The following TRMT1L variants were observed in gnomAD, a reference collection of about 807,000 sequenced individuals.
TRMT1L encodes tRNA methyltransferase 1L.
Under a neutral mutation model 81.6 loss-of-function variants are expected in TRMT1L, and 28 were observed. The observed-to-expected ratio is 0.34, with a 90% CI of 0.25 to 0.47. The LOEUF is 0.47. Among genes scored for constraint, TRMT1L ranks in the 20% least tolerant of loss-of-function variants. TRMT1L has a pLI of 1.00. For missense variants in TRMT1L, 739 were observed against 877.1 expected (o/e 0.84, Z 1.99); for synonymous variants, 301 against 303.2 (o/e 0.99, Z 0.07).
intron 3 of TRMT1L, among the ~76,000 whole-genome samples, 166 bp from the exon 4 acceptor site, chr1:185,147,412 T>C (rs1326315363): frequency 6.6e-6 from 1 of 152,202 alleles, no homozygotes; most frequent in Non-Finnish European, 1.5e-5. Context: ...ATACATGAGA[T>C]ATATGTGTAT....
intron 9 of TRMT1L, among the ~76,000 whole-genome samples, chr1:185,138,979 G>C (rs1329402469): frequency 2.0e-5 from 3 of 152,054 alleles, no homozygotes; most frequent in Non-Finnish European, 4.4e-5. Context: ...GTAGAGACGG[G>C]GTTTCACCAT....
chr1:185,155,200 T>C (rs575076462), intron 1 of TRMT1L, among the ~76,000 whole-genome samples: 1 of 152,346 alleles, frequency 6.6e-6, no homozygotes, highest in South Asian at 2.1e-4. Flanking sequence ...ATGTTTAACA[T>C]ATTTTTGATG....
intron 4 of TRMT1L, among the ~76,000 whole-genome samples, chr1:185,146,620 G>A (rs1653194655): frequency 6.6e-6 from 1 of 151,824 alleles, no homozygotes; most frequent in Non-Finnish European, 1.5e-5. Context: ...TGTAATAATG[G>A]GAACTCATTA....
In TRMT1L at chr1:185,145,534, A is replaced by G. The variant is rs774862497; in HGVS notation, c.560T>C (p.Ile187Thr). 1 of 1,612,148 alleles carries G rather than the reference A, an allele frequency of 6.2e-7. No individual in the cohort carries two copies. Among genetic ancestry groups the G allele is most frequent in the Non-Finnish European group, 8.5e-7 (1 of 1,178,690 alleles). ...TCTGGTGATTGTTGCTGAACAAATGATACAATGATAATGGGCTCCCATTTT... is the reference window on the plus strand; with the variant it reads ...TCTGGTGATTGTTGCTGAACAAATGGTACAATGATAATGGGCTCCCATTTT... ...TSKMGAHYHC[I>T]ICSATITRRT... is the part of the protein sequence containing the mutation. Residue 187 changes from isoleucine to threonine, a missense_variant, in exon 5 of 15, where the codon ATC becomes ACC. By Grantham distance (89) the Ile-to-Thr change is moderately conservative. Coordinates refer to ENST00000367506, the MANE Select transcript of TRMT1L (RefSeq NM_030934.5).
At chr1:185,133,982 G>A (rs1457613870) in intron 10 of TRMT1L, among the ~76,000 whole-genome samples, 4 of 152,110 alleles carry the variant, frequency 2.6e-5, no homozygotes, top group Admixed American at 2.6e-4. Flanking sequence ...CAACGTGGAA[G>A]GGGGAAAGCA....
intron 8 of TRMT1L, 125 bp downstream of exon 8, chr1:185,139,848 A>C: frequency 8.8e-7 from 1 of 1,134,642 alleles, no homozygotes; most frequent in Non-Finnish European, 1.2e-6. Context: ...CCTTAGGCCA[A>C]TGTCAAAAAA....
chr1:185,151,021 C>A (rs1043160095), intron 2 of TRMT1L, among the ~76,000 whole-genome samples: 1 of 152,202 alleles, frequency 6.6e-6, no homozygotes, highest in Non-Finnish European at 1.5e-5. Flanking sequence ...CGCATAGTTA[C>A]AGCCACCGTA....
At chr1:185,124,489 G>T (rs948170779) in intron 12 of TRMT1L, among the ~76,000 whole-genome samples, 1 of 151,880 alleles carries the variant, frequency 6.6e-6, no homozygotes, top group Non-Finnish European at 1.5e-5. Flanking sequence ...CTTGAGCCCA[G>T]GAGTTTGAAA....
At position 185,120,086 on chromosome 1, in the gene TRMT1L, G is replaced by C; in HGVS notation, c.2135C>G (p.Thr712Arg). The C allele has an allele frequency of 6.2e-7, 1 of 1,613,904 alleles. No individual in the cohort carries two copies. Among genetic ancestry groups the C allele is most frequent in the Non-Finnish European group, 8.5e-7 (1 of 1,179,910 alleles). ...ESHVQSASED[T>R]VTERVEMSVN... ...TGACATTTCAACTCTTTCAGTTACT[G>C]TATCTTCAGATGCTGACTGGACATG... is the stretch of plus-strand genomic sequence containing the variant. The change falls in exon 15 of 15, where the codon ACA becomes AGA. Residue 712 changes from threonine (T) to arginine (R), a missense_variant. Physicochemically the swap from Thr to Arg is moderately conservative, Grantham distance 71. Transcript: ENST00000367506.
Position 185,124,878 on chromosome 1 carries a change from A to T in TRMT1L, c.1759+66T>A. 5 of 1,410,842 alleles carry T rather than the reference A, an allele frequency of 3.5e-6. No homozygotes were observed. In the East Asian group the frequency reaches 1.2e-4, roughly 33 times the overall value. 87.4% of individuals were successfully genotyped at this position (1,410,842 alleles called of 1,614,324 possible). A position where few individuals can be genotyped will look rare whatever the true frequency, so the allele number is the denominator to read the frequency against. On this transcript the variant is annotated intron_variant, in intron 12 of 14. Coordinates refer to ENST00000367506, the MANE Select transcript of TRMT1L (RefSeq NM_030934.5). ...TGGTTTTATTATAACATCAAATACA[A>T]TTGAAAAAGATACAGTATTTTTGGT...
In TRMT1L at chr1:185,150,447, G is replaced by A. The variant is rs1653310671; in HGVS notation, c.392C>T (p.Ala131Val). The A allele has an allele frequency of 6.2e-7, 1 of 1,613,624 alleles. No homozygotes were observed. Among genetic ancestry groups the A allele is most frequent in the African/African-American group, 1.3e-5 (1 of 75,026 alleles). ...CPLCPKEKFR[A>V]CNSHKLRRHL... ...ACGACGAAGCTTATGGCTATTACAA[G>A]CTCTGAATTTTTCCTTAGGGCACAA... Residue 131 changes from alanine to valine, a missense_variant, in exon 3 of 15, where the codon GCT (alanine) becomes GTT (valine). Physicochemically the swap from Ala to Val is moderately conservative, Grantham distance 64. Transcript: ENST00000367506.
chr1:185,121,323 G>A (rs1180701111), intron 13 of TRMT1L, among the ~76,000 whole-genome samples: 1 of 152,068 alleles, frequency 6.6e-6, no homozygotes, highest in Non-Finnish European at 1.5e-5. Flanking sequence ...GCCAGGAGCA[G>A]TAGCGTACAC....
At chr1:185,136,930 C>T (rs892000845) in intron 10 of TRMT1L, among the ~76,000 whole-genome samples, 1 of 152,012 alleles carries the variant, frequency 6.6e-6, no homozygotes, top group African/African-American at 2.4e-5. Flanking sequence ...CTCTTTCTAA[C>T]TACAGGCAAA....
chr1:185,137,693 C>T lies in TRMT1L; in HGVS notation c.1426G>A (p.Asp476Asn). Reference protein sequence around the residue: ...VRVLRGPTSADETAKKIQYLI... With the variant: ...VRVLRGPTSANETAKKIQYLI... ...TATTGAATCTTCTTGGCTGTTTCAT[C>T]TGCTGAAGTAGGTCCCCTCAAAACT... Residue 476 changes from aspartate (D) to asparagine (N), a missense_variant, in exon 10 of 15, where the codon GAT (aspartate) becomes AAT (asparagine). This residue lies in a region of TRMT1L where 331 missense variants were observed against 462.2 expected (regional missense o/e 0.72). Coordinates refer to ENST00000367506, the MANE Select transcript of TRMT1L (RefSeq NM_030934.5). 1.9e-6 allele frequency: 3 copies of T among 1,614,168 alleles called. No individual in the cohort carries two copies. Among genetic ancestry groups the T allele is most frequent in the Non-Finnish European group, 2.5e-6 (3 of 1,180,028 alleles).
chr1:185,152,116 G>C (rs1653374038), intron 1 of TRMT1L, among the ~76,000 whole-genome samples, 181 bp from the exon 2 acceptor site: 1 of 152,200 alleles, frequency 6.6e-6, no homozygotes, highest in African/African-American at 2.4e-5. Context: ...GTTGGGGGGA[G>C]ACCCCACTGT....
chr1:185,120,221 C>T lies in TRMT1L; in HGVS notation c.2000G>A (p.Arg667Gln). 1.2e-6 allele frequency: 2 copies of T among 1,601,898 alleles called. No homozygotes were observed. Among genetic ancestry groups the T allele is most frequent in the Non-Finnish European group, 1.7e-6 (2 of 1,172,424 alleles). The change falls in exon 15 of 15, where the codon CGA becomes CAA. Residue 667 changes from arginine (R) to glutamine (Q), a missense_variant. By Grantham distance (43) the Arg-to-Gln change is conservative. Around this residue, in one of 4 missense-constraint regions of TRMT1L, gnomAD observed 196 missense variants for 232.6 expected, o/e 0.84. Transcript: ENST00000367506. Reference sequence around the variant, plus strand: ...TACACCCATTGGGTCAAAATGAGTTCGGCTTACTCGAAAGCCTGCTTGAGA... The same window carrying T: ...TACACCCATTGGGTCAAAATGAGTTTGGCTTACTCGAAAGCCTGCTTGAGA... ...YLSQAGFRVS[R>Q]THFDPMGVRT...
chr1:185,147,035 C>T, intron 4 of TRMT1L, 147 bp downstream of exon 4: 1 of 445,102 alleles, frequency 2.2e-6, no homozygotes, highest in Non-Finnish European at 3.9e-6. Context: ...TCATAGTTTT[C>T]CCATTATGAT....
chr1:185,156,910 G>A lies in TRMT1L; in HGVS notation c.-198C>T. 1 of 728,012 alleles carries A rather than the reference G, an allele frequency of 1.4e-6. No individual in the cohort carries two copies. Among genetic ancestry groups the A allele is most frequent in the Non-Finnish European group, 2.1e-6 (1 of 475,050 alleles). 45.1% of individuals were successfully genotyped at this position (728,012 alleles called of 1,614,324 possible). A position where few individuals can be genotyped will look rare whatever the true frequency, so the allele number is the denominator to read the frequency against. On this transcript the variant is annotated 5_prime_UTR_variant, in exon 1 of 15. Coordinates refer to ENST00000367506, the MANE Select transcript of TRMT1L (RefSeq NM_030934.5). ...AGTAGAAAACAGAAAGCCAGAGGCA[G>A]CGATTCCAGATGCCCGTCCGCTTCC...
chr1:185,143,058 G>A (rs558008786), intron 7 of TRMT1L, among the ~76,000 whole-genome samples: 1 of 152,136 alleles, frequency 6.6e-6, no homozygotes, highest in Non-Finnish European at 1.5e-5. Context: ...ACTTACAGAT[G>A]AAATGATGTA....
Sources: allele counts gnomAD v4.1 joint callset (sites outside exome capture counted in the v4.1 genomes callset), GRCh38; gene constraint gnomAD v4.1.1; regional missense constraint gnomAD v4.1.1; transcripts MANE v1.5; gene names NCBI Gene and HGNC (gene_info 2026-07-23, HGNC 2026-07-21).